C11orf87: variants seen among roughly 807,000 people sequenced by gnomAD.
C11orf87 encodes the protein uncharacterized protein C11orf87.
A neutral mutation model predicts 9.2 loss-of-function variants in C11orf87; 3 were observed. The observed-to-expected ratio is 0.33, with a 90% CI of 0.15 to 0.84. C11orf87 has a LOEUF of 0.84. Among genes scored for constraint, C11orf87 ranks in the 40% least tolerant of loss-of-function variants. The probability of loss-of-function intolerance (pLI) is 0.55; values close to 1 mark genes in which losing one functional copy is unlikely to be tolerated. For missense variants in C11orf87, 256 were observed against 270.7 expected, an observed-to-expected ratio of 0.95 and a Z score of 0.38; for synonymous variants, 124 against 124.6, an observed-to-expected ratio of 1.00 and a Z score of 0.03.
rs550236885 is a variant in C11orf87 at position 109,427,896 on chromosome 11, G to C, written c.*3669G>C. On this transcript the variant is annotated 3_prime_UTR_variant, in exon 2 of 2. Coordinates refer to ENST00000327419, the MANE Select transcript of C11orf87 (RefSeq NM_207645.4). Reference sequence around the variant, plus strand: ...CTCTTTTCTGTCATTACAAGAATGAGATGGAAACCAAAATAGTTGTTCCAT... The same window carrying C: ...CTCTTTTCTGTCATTACAAGAATGACATGGAAACCAAAATAGTTGTTCCAT... 6.6e-6 allele frequency: 1 copy of C among 152,038 alleles called. No individual in the cohort carries two copies. Among genetic ancestry groups the C allele is most frequent in the South Asian group, 2.1e-4 (1 of 4,816 alleles). The allele number at this position is 152,038 out of a possible 1,614,324, so 9.4% of individuals were successfully genotyped here.
Position 109,423,838 on chromosome 11 carries a change from A to G in C11orf87, c.205A>G (p.Thr69Ala), listed in dbSNP as rs1313917533. The G allele has an allele frequency of 6.2e-7, 1 of 1,613,960 alleles. No individual in the cohort carries two copies. The highest frequency in any genetic ancestry group is 8.5e-7 in the Non-Finnish European group (1 of 1,179,980). ...SSTLVLIVLV[T>A]LIFCLIVLSL... ...CACGCTGGTGCTGATTGTCCTGGTT[A>G]CCCTCATCTTCTGCCTCATCGTGCT... The change falls in exon 2 of 2, where the codon ACC becomes GCC. Residue 69 changes from threonine to alanine, a missense_variant. Physicochemically the swap from Thr to Ala is moderately conservative, Grantham distance 58. Coordinates refer to ENST00000327419, the MANE Select transcript of C11orf87 (RefSeq NM_207645.4). This position sits in a 1 kb window ranked among gnomAD's most constrained non-coding sequence, Gnocchi z 5.3.
rs2298470 is a variant in C11orf87 at position 109,428,302 on chromosome 11, T to C, written c.*4075T>C. The C allele has an allele frequency of 6.6e-6, 1 of 152,178 alleles. No individual in the cohort carries two copies. Among genetic ancestry groups the C allele is most frequent in the Non-Finnish European group, 1.5e-5 (1 of 67,994 alleles). The allele number at this position is 152,178 out of a possible 1,614,324, so 9.4% of individuals were successfully genotyped here. A position where few individuals can be genotyped will look rare whatever the true frequency, so the allele number is the denominator to read the frequency against. ...AGTGAAAATATGACCATTATCTGTT[T>C]AGTTTGAGAAATCATTTTTGGATAA... On this transcript the variant is annotated 3_prime_UTR_variant, in exon 2 of 2. Coordinates refer to ENST00000327419, the MANE Select transcript of C11orf87 (RefSeq NM_207645.4).
Position 109,428,406 on chromosome 11 carries a change from A to G in C11orf87, c.*4179A>G, listed in dbSNP as rs542789922. 6.6e-6 allele frequency: 1 copy of G among 152,294 alleles called. No homozygotes were observed. The highest frequency in any genetic ancestry group is 1.5e-5 in the Non-Finnish European group (1 of 67,988). 9.4% of individuals were successfully genotyped at this position (152,294 alleles called of 1,614,324 possible). On this transcript the variant is annotated 3_prime_UTR_variant, in exon 2 of 2. Transcript: ENST00000327419. ...TCTATCTGTATCAATTGTATTAATTAGATAATGGTTAAATTTTTATTTTTT... is the reference window on the plus strand; with the variant it reads ...TCTATCTGTATCAATTGTATTAATTGGATAATGGTTAAATTTTTATTTTTT...
In C11orf87 at chr11:109,426,694, C is replaced by T. The variant is rs1223082523; in HGVS notation, c.*2467C>T. On this transcript the variant is annotated 3_prime_UTR_variant, in exon 2 of 2. Transcript: ENST00000327419. ...ACTGTACATCAGAATGACTAAGGCA[C>T]TGTGAAGAAGAAAGTCCATTGATTT... 1 of 152,202 alleles carries T rather than the reference C, an allele frequency of 6.6e-6. No individual in the cohort carries two copies. Among genetic ancestry groups the T allele is most frequent in the East Asian group, 1.9e-4 (1 of 5,202 alleles). 9.4% of individuals were successfully genotyped at this position (152,202 alleles called of 1,614,324 possible).
Position 109,426,383 on chromosome 11 carries a change from TC to T in C11orf87, c.*2157del, listed in dbSNP as rs1321759945. On this transcript the variant is annotated 3_prime_UTR_variant, in exon 2 of 2. Transcript: ENST00000327419. Reference sequence around the variant, plus strand: ...GAAACATTACCTCTAATATTTTTGGTCATCTATTAAATTGCCCAAGCTCAGT... The same window carrying T: ...GAAACATTACCTCTAATATTTTTGGTATCTATTAAATTGCCCAAGCTCAGT... The T allele has an allele frequency of 6.6e-6, 1 of 152,216 alleles. No individual in the cohort carries two copies. Among genetic ancestry groups the T allele is most frequent in the African/African-American group, 2.4e-5 (1 of 41,452 alleles). The allele number at this position is 152,216 out of a possible 1,614,324, so 9.4% of individuals were successfully genotyped here.
rs968531637 is a variant in C11orf87 at position 109,426,673 on chromosome 11, T to C, written c.*2446T>C. The C allele has an allele frequency of 1.3e-5, 2 of 152,216 alleles. No individual in the cohort carries two copies. Among genetic ancestry groups the C allele is most frequent in the Non-Finnish European group, 2.9e-5 (2 of 68,040 alleles). 9.4% of individuals were successfully genotyped at this position (152,216 alleles called of 1,614,324 possible). A position where few individuals can be genotyped will look rare whatever the true frequency, so the allele number is the denominator to read the frequency against. On this transcript the variant is annotated 3_prime_UTR_variant, in exon 2 of 2. Coordinates refer to ENST00000327419, the MANE Select transcript of C11orf87 (RefSeq NM_207645.4). ...TGTAGTGCATCAGAGTTCTACACTGTACATCAGAATGACTAAGGCACTGTG... is the reference window on the plus strand; with the variant it reads ...TGTAGTGCATCAGAGTTCTACACTGCACATCAGAATGACTAAGGCACTGTG...
chr11:109,423,969 C>G lies in C11orf87; in HGVS notation c.336C>G (p.Gly112=). Residue 112 remains glycine, a synonymous_variant, in exon 2 of 2, where the codon GGC becomes GGG. Coordinates refer to ENST00000327419, the MANE Select transcript of C11orf87 (RefSeq NM_207645.4). This position sits in a 1 kb window ranked among gnomAD's most constrained non-coding sequence, Gnocchi z 5.3. ...ATCACTGCAGCGGCAGCCGCGGTGG[C>G]GGGGGGCTGCCCCGACCTGGCAGGC... The part of the protein sequence containing the change: ...ERDHCSGSRG[G]GGLPRPGRQA... The G allele has an allele frequency of 6.2e-7, 1 of 1,613,808 alleles. No individual in the cohort carries two copies. Among genetic ancestry groups the G allele is most frequent in the South Asian group, 1.1e-5 (1 of 91,070 alleles).
At position 109,425,989 on chromosome 11, in the gene C11orf87, AAAGT is replaced by A. The variant is rs1860568118; in HGVS notation, c.*1763_*1766del. 6.6e-6 allele frequency: 1 copy of A among 152,352 alleles called. No homozygotes were observed. Among genetic ancestry groups the A allele is most frequent in the Non-Finnish European group, 1.5e-5 (1 of 68,032 alleles). The allele number at this position is 152,352 out of a possible 1,614,324, so 9.4% of individuals were successfully genotyped here. A position where few individuals can be genotyped will look rare whatever the true frequency, so the allele number is the denominator to read the frequency against. ...CATACAAAAATACTGAGAAAAAAAG[AAAGT>A]GAGAAAATAAGATAAATATTTTATT... On this transcript the variant is annotated 3_prime_UTR_variant, in exon 2 of 2. Coordinates refer to ENST00000327419, the MANE Select transcript of C11orf87 (RefSeq NM_207645.4).
rs1476775979 is a variant in C11orf87, at chr11:109,427,344, C to T, written c.*3117C>T. ...TTAATATACTCAAAACCTAAGCTTC[C>T]AGTGGTATTACTTGTGATTTTTTTA... On this transcript the variant is annotated 3_prime_UTR_variant, in exon 2 of 2. Coordinates refer to ENST00000327419, the MANE Select transcript of C11orf87 (RefSeq NM_207645.4). The T allele has an allele frequency of 6.6e-6, 1 of 152,106 alleles. No individual in the cohort carries two copies. Among genetic ancestry groups the T allele is most frequent in the Non-Finnish European group, 1.5e-5 (1 of 68,000 alleles). 9.4% of individuals were successfully genotyped at this position (152,106 alleles called of 1,614,324 possible). A position where few individuals can be genotyped will look rare whatever the true frequency, so the allele number is the denominator to read the frequency against.
Position 109,423,246 on chromosome 11 carries a change from C to T in C11orf87, c.-259-129C>T. On this transcript the variant is annotated intron_variant, in intron 1 of 1. Coordinates refer to ENST00000327419, the MANE Select transcript of C11orf87 (RefSeq NM_207645.4). This position sits in a 1 kb window ranked among gnomAD's most constrained non-coding sequence, Gnocchi z 5.3. Reference sequence around the variant, plus strand: ...GGCCGGCAGGCTGGGGTCCGCTGACCGAAAATACAGGCAGCGCCCAGCTCA... The same window carrying T: ...GGCCGGCAGGCTGGGGTCCGCTGACTGAAAATACAGGCAGCGCCCAGCTCA... 2 of 257,978 alleles carry T rather than the reference C, an allele frequency of 7.8e-6. No homozygotes were observed. The highest frequency in any genetic ancestry group is 2.3e-4 in the East Asian group (2 of 8,684). The allele number at this position is 257,978 out of a possible 1,614,324, so 16.0% of individuals were successfully genotyped here. A position where few individuals can be genotyped will look rare whatever the true frequency, so the allele number is the denominator to read the frequency against.
Position 109,423,575 on chromosome 11 carries a change from G to A in C11orf87, c.-59G>A. On this transcript the variant is annotated 5_prime_UTR_variant, in exon 2 of 2. Transcript: ENST00000327419. This position sits in a 1 kb window ranked among gnomAD's most constrained non-coding sequence, Gnocchi z 5.3. ...GGCTCCGTCCTCTTCTTGGCTGGTA[G>A]GAACGGTGTGCCCAAGAGGGGAAGC... 1.3e-6 allele frequency: 2 copies of A among 1,482,918 alleles called. No homozygotes were observed. Among genetic ancestry groups the A allele is most frequent in the Non-Finnish European group, 1.8e-6 (2 of 1,115,994 alleles). The allele number at this position is 1,482,918 out of a possible 1,614,324, so 91.9% of individuals were successfully genotyped here.
In C11orf87 at chr11:109,423,640, G is replaced by A. The variant is rs1443321334; in HGVS notation, c.7G>A (p.Ala3Thr). 5 of 1,598,892 alleles carry A rather than the reference G, an allele frequency of 3.1e-6. No homozygotes were observed. The highest frequency in any genetic ancestry group is 4.2e-6 in the Non-Finnish European group (5 of 1,178,548). The stretch of plus-strand genomic sequence containing the variant: ...CCCTCCCAGCCCCGCGCCAATGAGT[G>A]CCAGGGCGCCGAAGGAGCTGAGGCT... MS[A>T]RAPKELRLAL... is the part of the protein sequence containing the mutation. Residue 3 changes from alanine (A) to threonine (T), a missense_variant, in exon 2 of 2, where the codon GCC becomes ACC. Physicochemically the swap from Ala to Thr is moderately conservative, Grantham distance 58. Transcript: ENST00000327419. This position sits in a 1 kb window ranked among gnomAD's most constrained non-coding sequence, Gnocchi z 5.3.
chr11:109,422,929 AG>A (rs953747081), intron 1 of C11orf87, among the ~76,000 whole-genome samples: 11 of 151,502 alleles, frequency 7.3e-5, no homozygotes, highest in Admixed American at 6.6e-4. Context: ...AGGGAAAGGA[AG>A]GGAGGACTGC....
rs1399157766 is a variant in C11orf87 at position 109,427,976 on chromosome 11, C to T, written c.*3749C>T. 6.6e-6 allele frequency: 1 copy of T among 152,088 alleles called. No homozygotes were observed. Among genetic ancestry groups the T allele is most frequent in the Non-Finnish European group, 1.5e-5 (1 of 67,978 alleles). 9.4% of individuals were successfully genotyped at this position (152,088 alleles called of 1,614,324 possible). A position where few individuals can be genotyped will look rare whatever the true frequency, so the allele number is the denominator to read the frequency against. ...CCGGTATGTGCATGCACTTGTTTCT[C>T]TGGGGTCAAATCTGAATGACTTTCT... is the stretch of plus-strand genomic sequence containing the variant. On this transcript the variant is annotated 3_prime_UTR_variant, in exon 2 of 2. Transcript: ENST00000327419.
In C11orf87 at chr11:109,425,708, T is replaced by C. The variant is rs991771438; in HGVS notation, c.*1481T>C. The C allele has an allele frequency of 2.0e-5, 3 of 152,724 alleles. No homozygotes were observed. Among genetic ancestry groups the C allele is most frequent in the Admixed American group, 1.3e-4 (2 of 15,278 alleles). The allele number at this position is 152,724 out of a possible 1,614,324, so 9.5% of individuals were successfully genotyped here. ...AAAAACATGGTTAATATTTAAACAG[T>C]GCCTGTAGTTCTCCCTGCATGCAGT... On this transcript the variant is annotated 3_prime_UTR_variant, in exon 2 of 2. Transcript: ENST00000327419.
intron 1 of C11orf87, among the ~76,000 whole-genome samples, chr11:109,422,722 CTTTTTTTTTTTTTT>C (rs772868114): frequency 4.3e-4 from 31 of 71,424 alleles, no homozygotes; most frequent in East Asian, 1.7e-3. Context: ...GCTTCAGCTG[CTTTTTTTTTTTTTT>C]TTTTTTTTTT....
chr11:109,424,066 A>G lies in C11orf87; in HGVS notation c.433A>G (p.Asn145Asp), dbSNP rs1216843211. Residue 145 changes from asparagine (N) to aspartate (D), a missense_variant, in exon 2 of 2, where the codon AAC (asparagine) becomes GAC (aspartate). Asn to Asp is a conservative substitution (Grantham distance 23). Transcript: ENST00000327419. The surrounding 1 kb of genome is among the most constrained non-coding windows in gnomAD (Gnocchi z 4.7). ...GGACTCTCCCTTCTGCGCCCCTTCCAACGCCTCGTCGTTGTCCTCTTCGTC... is the reference window on the plus strand; with the variant it reads ...GGACTCTCCCTTCTGCGCCCCTTCCGACGCCTCGTCGTTGTCCTCTTCGTC... ...PRDSPFCAPSNASSLSSSSPG... is the reference protein window; with the variant it reads ...PRDSPFCAPSDASSLSSSSPG... The G allele has an allele frequency of 6.2e-7, 1 of 1,613,752 alleles. No homozygotes were observed. The highest frequency in any genetic ancestry group is 2.2e-5 in the East Asian group (1 of 44,844).
chr11:109,422,890 C>T (rs1860512151), intron 1 of C11orf87, among the ~76,000 whole-genome samples: 1 of 151,738 alleles, frequency 6.6e-6, no homozygotes, highest in African/African-American at 2.4e-5. Context: ...GGATCTGACG[C>T]TGTCCAGGGA....
At position 109,424,012 on chromosome 11, in the gene C11orf87, A is replaced by C. The variant is rs528188788; in HGVS notation, c.379A>C (p.Lys127Gln). The C allele has an allele frequency of 1.2e-6, 2 of 1,613,982 alleles. No homozygotes were observed. The highest frequency in any genetic ancestry group is 1.3e-5 in the African/African-American group (1 of 75,046). The change falls in exon 2 of 2, where the codon AAG (lysine) becomes CAG (glutamine). Residue 127 changes from lysine to glutamine, a missense_variant. By Grantham distance (53) the Lys-to-Gln change is moderately conservative (BLOSUM62 1). Coordinates refer to ENST00000327419, the MANE Select transcript of C11orf87 (RefSeq NM_207645.4). The surrounding 1 kb of genome is among the most constrained non-coding windows in gnomAD (Gnocchi z 4.7). ...RPGRQAPTHA[K>Q]ETRLERQPRD... is the part of the protein sequence containing the mutation. ...TGGCAGGCAGGCCCCAACCCACGCA[A>C]AGGAAACCCGGCTGGAGAGGCAGCC...
Sources: allele counts gnomAD v4.1 joint callset (sites outside exome capture counted in the v4.1 genomes callset), GRCh38; gene constraint gnomAD v4.1.1; non-coding constraint Gnocchi (gnomAD v3.1); transcripts MANE v1.5; gene names NCBI Gene and HGNC (gene_info 2026-07-23, HGNC 2026-07-21).